The following EPHB1 variants were observed in gnomAD, a reference collection of about 807,000 sequenced individuals.
The protein encoded by EPHB1 is ephrin type-B receptor 1.
In EPHB1, 30 loss-of-function variants were observed where a neutral mutation model predicts 94.4. The ratio of observed to expected loss-of-function variants is 0.32; its 90% CI spans 0.24 to 0.43. The LOEUF is 0.43. Ranked by LOEUF, EPHB1 falls within the 20% of genes least tolerant of loss-of-function variation. The pLI, the probability that EPHB1 is intolerant of heterozygous loss-of-function variation, is 1.00. For missense variants in EPHB1, 1,055 were observed against 1,308.3 expected (o/e 0.81, Z 2.99); for synonymous variants, 522 against 489.1 (o/e 1.07, Z -0.89).
chr3:134,983,073 CT>C (rs1165274743), intron 3 of EPHB1, among the ~76,000 whole-genome samples: 6 of 152,294 alleles, frequency 3.9e-5, no homozygotes, highest in Admixed American at 3.9e-4. Flanking sequence ...CGATATAAGG[CT>C]TGGAGTAACC....
intron 1 of EPHB1, among the ~76,000 whole-genome samples, chr3:134,923,811 TCTC>T (rs1016741120): frequency 2.5e-4 from 38 of 152,182 alleles, no homozygotes; most frequent in African/African-American, 8.7e-4. Context: ...TGCATTCACA[TCTC>T]CTCCCTGACA....
intron 6 of EPHB1, among the ~76,000 whole-genome samples, chr3:135,158,721 C>T (rs1014473349): frequency 9.2e-5 from 14 of 152,192 alleles, no homozygotes; most frequent in African/African-American, 3.4e-4. Flanking sequence ...AATACACTTC[C>T]ATTCATCATT....
chr3:134,874,124 A>C (rs1369422163), intron 1 of EPHB1, among the ~76,000 whole-genome samples: 1 of 152,190 alleles, frequency 6.6e-6, no homozygotes, highest in East Asian at 1.9e-4. Context: ...AAACAGACAG[A>C]ACTTTGGATA....
At chr3:135,059,274 C>T (rs1559813787) in intron 3 of EPHB1, among the ~76,000 whole-genome samples, 1 of 152,242 alleles carries the variant, frequency 6.6e-6, no homozygotes, top group Non-Finnish European at 1.5e-5. Context: ...TACTGCTTCA[C>T]AGCTACTAAG....
At chr3:134,838,677 G>A (rs1445880383) in intron 1 of EPHB1, among the ~76,000 whole-genome samples, 1 of 152,130 alleles carries the variant, frequency 6.6e-6, no homozygotes, top group Non-Finnish European at 1.5e-5. Flanking sequence ...TCAATCACGT[G>A]TAGCCTTTAT....
chr3:135,254,502 A>G (rs1294578156), intron 15 of EPHB1, among the ~76,000 whole-genome samples: 1 of 148,750 alleles, frequency 6.7e-6, no homozygotes, highest in Non-Finnish European at 1.5e-5. Context: ...CTCTGTTTAT[A>G]TGCTGGATTA....
At chr3:135,045,022 G>A (rs912670905) in intron 3 of EPHB1, among the ~76,000 whole-genome samples, 2 of 152,188 alleles carry the variant, frequency 1.3e-5, no homozygotes, top group Non-Finnish European at 2.9e-5. Context: ...TGCTGCTGTA[G>A]CATAGTGGTG....
chr3:135,062,263 C>T lies in EPHB1; in HGVS notation c.806-44185C>T, dbSNP rs181073189. ...CTACTTTTAGTTATTTAAGGAATCTCCACACTATTTTTCATAGTGGCTGTA... is the reference window on the plus strand; with the variant it reads ...CTACTTTTAGTTATTTAAGGAATCTTCACACTATTTTTCATAGTGGCTGTA... On this transcript the variant is annotated intron_variant, in intron 3 of 15. Transcript: ENST00000398015. 1.0e-3 allele frequency among the ~76,000 whole-genome samples: 158 copies of T among 152,286 alleles called. 1 individual carries two copies. Among genetic ancestry groups the T allele is most frequent in the Middle Eastern group, 6.8e-3 (2 of 294 alleles).
chr3:134,876,470 C>T (rs1164562343), intron 1 of EPHB1, among the ~76,000 whole-genome samples: 2 of 152,236 alleles, frequency 1.3e-5, no homozygotes, highest in African/African-American at 4.8e-5. Flanking sequence ...TCCAAGTGCT[C>T]AGGCAACACG....
At chr3:134,905,977 T>C (rs1357980574) in intron 1 of EPHB1, among the ~76,000 whole-genome samples, 1 of 152,216 alleles carries the variant, frequency 6.6e-6, no homozygotes, top group Non-Finnish European at 1.5e-5. Flanking sequence ...ATACCTCTGA[T>C]TGGTGGTTTC....
At chr3:135,217,008 G>A (rs578049188) in intron 12 of EPHB1, among the ~76,000 whole-genome samples, 245 of 152,014 alleles carry the variant, frequency 1.6e-3, no homozygotes, top group Middle Eastern at 3.2e-3. Context: ...GTCTTTTCTC[G>A]GCAGGGAACT....
At chr3:135,148,479 T>A (rs1303700398) in intron 5 of EPHB1, among the ~76,000 whole-genome samples, 3 of 152,100 alleles carry the variant, frequency 2.0e-5, no homozygotes, top group Admixed American at 6.5e-5. Flanking sequence ...ACAGTTCCCT[T>A]TGGGACCGTT....
chr3:135,249,263 T>C, intron 14 of EPHB1, 73 bp from the exon 15 acceptor site: 1 of 1,510,654 alleles, frequency 6.6e-7, no homozygotes. Context: ...TGAAGTCAGC[T>C]GTCAGGCCAG....
chr3:135,260,273 G>A lies in EPHB1; in HGVS notation c.*1153G>A, dbSNP rs759700866. On this transcript the variant is annotated 3_prime_UTR_variant, in exon 16 of 16. Coordinates refer to ENST00000398015, the MANE Select transcript of EPHB1 (RefSeq NM_004441.5). ...CTTTACCTATGGACTGGCTTAAGCC[G>A]TGTGGCATCCGAGGAATGTTTCAAA... 8.6e-5 allele frequency: 20 copies of A among 232,816 alleles called. No homozygotes were observed. Among genetic ancestry groups the A allele is most frequent in the South Asian group, 1.8e-4 (1 of 5,522 alleles). The allele number at this position is 232,816 out of a possible 1,614,324, so 14.4% of individuals were successfully genotyped here. A position where few individuals can be genotyped will look rare whatever the true frequency, so the allele number is the denominator to read the frequency against.
intron 3 of EPHB1, among the ~76,000 whole-genome samples, chr3:134,959,199 G>A (rs976821163): frequency 1.9e-4 from 29 of 152,280 alleles, no homozygotes; most frequent in Middle Eastern, 3.4e-3. Flanking sequence ...TAATGCCATC[G>A]TTTTCTTCAC....
At chr3:134,916,755 C>G (rs558480910) in intron 1 of EPHB1, among the ~76,000 whole-genome samples, 2 of 126,376 alleles carry the variant, frequency 1.6e-5, no homozygotes, top group South Asian at 2.9e-4. Flanking sequence ...CCACACCTCC[C>G]GGCAAGCCAA....
chr3:135,201,604 G>A lies in EPHB1; in HGVS notation c.2261G>A (p.Ser754Asn), dbSNP rs2107713078. ...DLAARNILVNSNLVCKVSDFG... is the reference protein window; with the variant it reads ...DLAARNILVNNNLVCKVSDFG... Reference sequence around the variant, plus strand: ...GCTGCTAGGAACATTCTGGTCAACAGTAACCTGGTGTGCAAGGTGTCCGAC... The same window carrying A: ...GCTGCTAGGAACATTCTGGTCAACAATAACCTGGTGTGCAAGGTGTCCGAC... Residue 754 changes from serine (S) to asparagine (N), a missense_variant, in exon 12 of 16, where the codon AGT (serine) becomes AAT (asparagine). Transcript: ENST00000398015. The A allele has an allele frequency of 6.2e-7, 1 of 1,614,092 alleles. No individual in the cohort carries two copies. Among genetic ancestry groups the A allele is most frequent in the Non-Finnish European group, 8.5e-7 (1 of 1,180,014 alleles).
intron 12 of EPHB1, among the ~76,000 whole-genome samples, chr3:135,209,414 A>G (rs1054112736): frequency 6.6e-6 from 1 of 152,224 alleles, no homozygotes; most frequent in Non-Finnish European, 1.5e-5. Flanking sequence ...CATCAGCAAT[A>G]ATAGGACAGG....
chr3:135,141,715 G>A (rs1940836082), intron 5 of EPHB1, among the ~76,000 whole-genome samples: 1 of 152,190 alleles, frequency 6.6e-6, no homozygotes, highest in South Asian at 2.1e-4. Flanking sequence ...GGCATGCTAT[G>A]AAGTTTGAGG....
Sources: allele counts gnomAD v4.1 joint callset (sites outside exome capture counted in the v4.1 genomes callset), GRCh38; gene constraint gnomAD v4.1.1; transcripts MANE v1.5; gene names NCBI Gene and HGNC (gene_info 2026-07-23, HGNC 2026-07-21).